Variants in RAB3GAP2 observed in about 807,000 individuals in gnomAD.
RAB3GAP2 encodes rab3 GTPase-activating protein non-catalytic subunit.
Under a neutral mutation model 185.3 loss-of-function variants are expected in RAB3GAP2, and 87 were observed. The ratio of observed to expected loss-of-function variants is 0.47; its 90% confidence interval spans 0.39 to 0.56. The LOEUF (loss-of-function observed/expected upper bound fraction) is 0.56. Ranked by LOEUF, RAB3GAP2 falls within the 20% of genes least tolerant of loss-of-function variation. RAB3GAP2 has a pLI of 0.00. For synonymous variants in RAB3GAP2, 554 were observed against 576.1 expected (o/e 0.96, Z 0.55); for missense variants, 1,492 against 1,638.2 (o/e 0.91, Z 1.54).
intron 17 of RAB3GAP2, among the ~76,000 whole-genome samples, chr1:220,189,240 C>T (rs1263151440): frequency 1.3e-5 from 2 of 151,644 alleles, no homozygotes; most frequent in Non-Finnish European, 2.9e-5. Context: ...ATATAAAACA[C>T]ACTCAGATGT....
intron 17 of RAB3GAP2, 38 bp downstream of exon 17, chr1:220,189,665 G>C (rs776191081): frequency 1.3e-6 from 2 of 1,533,490 alleles, no homozygotes; most frequent in Admixed American, 3.7e-5. Context: ...ATGTATTATA[G>C]CTACTAGCAG....
intron 13 of RAB3GAP2, among the ~76,000 whole-genome samples, chr1:220,192,476 A>G (rs1658641894): frequency 6.6e-6 from 1 of 152,220 alleles, no homozygotes; most frequent in African/African-American, 2.4e-5. Flanking sequence ...CTTCTTTCTT[A>G]GTCAGGGAGA....
intron 24 of RAB3GAP2, among the ~76,000 whole-genome samples, chr1:220,169,950 C>A (rs550768815): frequency 6.6e-6 from 1 of 152,264 alleles, no homozygotes; most frequent in African/African-American, 2.4e-5. Flanking sequence ...AATCATTCTT[C>A]TATAAAGACA....
chr1:220,271,541 T>C (rs1660333286), intron 1 of RAB3GAP2, among the ~76,000 whole-genome samples: 1 of 152,188 alleles, frequency 6.6e-6, no homozygotes, highest in Non-Finnish European at 1.5e-5. Flanking sequence ...TTAACCTTTC[T>C]TGGCTATGTC....
At chr1:220,254,844 A>C in intron 1 of RAB3GAP2, among the ~76,000 whole-genome samples, 1 of 151,584 alleles carries the variant, frequency 6.6e-6, no homozygotes, top group East Asian at 1.9e-4. Flanking sequence ...TTCCTTTGAC[A>C]CTATGCACTT....
intron 2 of RAB3GAP2, among the ~76,000 whole-genome samples, chr1:220,221,898 C>T (rs1319567517): frequency 2.6e-5 from 4 of 152,150 alleles, no homozygotes; most frequent in South Asian, 2.1e-4. Context: ...GTAGTACTTA[C>T]GTAGTCACTG....
chr1:220,215,741 T>C (rs996236100), intron 2 of RAB3GAP2, among the ~76,000 whole-genome samples: 15 of 152,142 alleles, frequency 9.9e-5, no homozygotes, highest in Non-Finnish European at 1.9e-4. Flanking sequence ...AAATTATCCA[T>C]CTATTCTCTT....
Position 220,184,899 on chromosome 1 carries a change from T to TA in RAB3GAP2, c.1871-737dup, listed in dbSNP as rs1001707769. Reference sequence around the variant, plus strand: ...GCCAATGTCAGTTTTATGTATCTGTTAAAAAAAAAAGGTTGAAAAAGAGTC... The same window carrying TA: ...GCCAATGTCAGTTTTATGTATCTGTTAAAAAAAAAAAGGTTGAAAAAGAGTC... On this transcript the variant is annotated intron_variant, in intron 18 of 34. Transcript: ENST00000358951. Among the ~76,000 whole-genome samples, 719 of 148,162 alleles carry TA rather than the reference T, an allele frequency of 4.9e-3. 4 individuals are homozygous for TA. The highest frequency in any genetic ancestry group is 0.017 in the African/African-American group (673 of 40,462).
At chr1:220,214,946 T>TATATATATATATATATATA (rs1659158999) in intron 2 of RAB3GAP2, among the ~76,000 whole-genome samples, 1 of 89,620 alleles carries the variant, frequency 1.1e-5, no homozygotes, top group Non-Finnish European at 2.1e-5. Context: ...AATAGTAGCA[T>TATATATATATATATATATA]TATATATATA....
At chr1:220,237,469 C>T (rs1447763957) in intron 1 of RAB3GAP2, among the ~76,000 whole-genome samples, 1 of 152,156 alleles carries the variant, frequency 6.6e-6, no homozygotes, top group African/African-American at 2.4e-5. Context: ...TTCATAAAAC[C>T]AGCGTTATAG....
intron 8 of RAB3GAP2, 33 bp from the exon 9 acceptor site, chr1:220,202,407 A>C: frequency 6.3e-7 from 1 of 1,592,198 alleles, no homozygotes; most frequent in East Asian, 2.2e-5. Flanking sequence ...ATCCAAACTT[A>C]TTATGGATAA....
intron 1 of RAB3GAP2, among the ~76,000 whole-genome samples, chr1:220,243,370 A>AC (rs1659735727): frequency 6.8e-6 from 1 of 147,944 alleles, no homozygotes; most frequent in East Asian, 2.0e-4. Context: ...AAAAAAAAAA[A>AC]CATAATAATA....
chr1:220,255,201 CAAAGAAAAAAA>C lies in RAB3GAP2; in HGVS notation c.115+17011_115+17021del, dbSNP rs1332751754. ...TTCAATAAATTTTTTCTTTAAATTT[CAAAGAAAAAAA>C]AAAGAAAACCAGAAAACAACAACAA... On this transcript the variant is annotated intron_variant, in intron 1 of 34. Transcript: ENST00000358951. Among the ~76,000 whole-genome samples, 5 of 145,838 alleles carry C rather than the reference CAAAGAAAAAAA, an allele frequency of 3.4e-5. No individual in the cohort carries two copies. In the East Asian group the frequency reaches 9.9e-4, roughly 29 times the overall value.
At position 220,172,633 on chromosome 1, in the gene RAB3GAP2, T is replaced by C; in HGVS notation, c.2416+4A>G. 1 of 1,594,742 alleles carries C rather than the reference T, an allele frequency of 6.3e-7. No homozygotes were observed. On this transcript the variant is annotated splice_donor_region_variant and intron_variant, in intron 22 of 34. Transcript: ENST00000358951. ...TGTTGACGAGAGCAACAAACTTTGT[T>C]TACCTTTCATCTTGCTCAGGAGGGA...
intron 1 of RAB3GAP2, among the ~76,000 whole-genome samples, chr1:220,234,017 A>G (rs1659549600): frequency 3.9e-5 from 6 of 152,192 alleles, no homozygotes; most frequent in Admixed American, 3.9e-4. Flanking sequence ...TAATACATAT[A>G]AAGTATTGAA....
rs780783536 is a variant in RAB3GAP2 at position 220,157,455 on chromosome 1, C to T, written c.3370G>A (p.Val1124Met). Residue 1124 changes from valine to methionine, a missense_variant, in exon 31 of 35, where the codon GTG becomes ATG. Around this residue, in one of 5 missense-constraint regions of RAB3GAP2, gnomAD observed 387 missense variants for 455.3 expected, o/e 0.85. Transcript: ENST00000358951. Reference protein sequence around the residue: ...DVSRDEIQVPVLDTEDAWLSV... With the variant: ...DVSRDEIQVPMLDTEDAWLSV... The stretch of plus-strand genomic sequence containing the variant: ...AGCCACGCATCCTCAGTATCCAGCA[C>T]AGGCACCTGTATTTCATCCCTGCTA... 5 of 1,613,764 alleles carry T rather than the reference C, an allele frequency of 3.1e-6. No homozygotes were observed. The East Asian group carries it at 6.7e-5, about 22-fold the overall frequency.
chr1:220,194,919 C>T (rs1216857997), intron 12 of RAB3GAP2, among the ~76,000 whole-genome samples, 159 bp downstream of exon 12: 1 of 152,184 alleles, frequency 6.6e-6, no homozygotes, highest in African/African-American at 2.4e-5. Context: ...TCACTCTTCA[C>T]ATGGAGTTTT....
chr1:220,179,802 A>G (rs1320231102), intron 21 of RAB3GAP2, among the ~76,000 whole-genome samples: 1 of 152,216 alleles, frequency 6.6e-6, no homozygotes, highest in Non-Finnish European at 1.5e-5. Context: ...AAAATTTAAA[A>G]ATTTCTTGAA....
chr1:220,261,078 A>G (rs139295675), intron 1 of RAB3GAP2, among the ~76,000 whole-genome samples: 2 of 152,126 alleles, frequency 1.3e-5, no homozygotes, highest in African/African-American at 2.4e-5. Context: ...TTTAAAAAAA[A>G]GGGGGGGCAA....
Sources: allele counts gnomAD v4.1 joint callset (sites outside exome capture counted in the v4.1 genomes callset), GRCh38; gene constraint gnomAD v4.1.1; regional missense constraint gnomAD v4.1.1; transcripts MANE v1.5; gene names NCBI Gene and HGNC (gene_info 2026-07-23, HGNC 2026-07-21).